Variants in ARHGEF38 observed in about 807,000 individuals in gnomAD.
ARHGEF38 encodes Rho guanine nucleotide exchange factor 38, also known as Rho guanine nucleotide exchange factor (GEF) 38.
ARHGEF38 carries 79 observed loss-of-function variants against 79.9 expected under a neutral mutation model. That is an observed-to-expected ratio of 0.99 (90% CI 0.82 to 1.19). The LOEUF (loss-of-function observed/expected upper bound fraction) is 1.19, where lower values mean the gene tolerates loss of function less well. ARHGEF38 is among the 50% of genes most tolerant of loss of function. ARHGEF38 has a pLI of 0.00. For missense variants in ARHGEF38, 962 were observed against 907.2 expected (o/e 1.06, Z -0.78); for synonymous variants, 366 against 328.3 (o/e 1.11, Z -1.24).
intron 2 of ARHGEF38, among the ~76,000 whole-genome samples, chr4:105,610,035 G>T (rs1728222209): frequency 6.6e-6 from 1 of 152,094 alleles, no homozygotes; most frequent in Non-Finnish European, 1.5e-5. Context: ...CCATAAAAAG[G>T]AATTGGATCA....
intron 1 of ARHGEF38, among the ~76,000 whole-genome samples, chr4:105,571,404 G>T (rs1401105522): frequency 7.0e-6 from 1 of 143,774 alleles, no homozygotes; most frequent in Non-Finnish European, 1.5e-5. Flanking sequence ...CTCACTGCAA[G>T]CTCCACCTCC....
chr4:105,569,713 C>T lies in ARHGEF38; in HGVS notation c.196+16752C>T, dbSNP rs546065453. ...TGGCCCTCCACTTTCAGTGGTGTGA[C>T]CTTGGGCAAACTGCTTAACCTCTGT... On this transcript the variant is annotated intron_variant, in intron 1 of 13. Coordinates refer to ENST00000420470, the MANE Select transcript of ARHGEF38 (RefSeq NM_001242729.2). Among the ~76,000 whole-genome samples, 18 of 152,226 alleles carry T rather than the reference C, an allele frequency of 1.2e-4. No individual in the cohort carries two copies. In the South Asian group the frequency reaches 3.3e-3, roughly 28 times the overall value.
chr4:105,660,131 A>G (rs1337551461), intron 10 of ARHGEF38, among the ~76,000 whole-genome samples: 1 of 152,140 alleles, frequency 6.6e-6, no homozygotes, highest in Non-Finnish European at 1.5e-5. Context: ...ACTTTGAATT[A>G]AATTAAATTG....
Position 105,552,890 on chromosome 4 carries a change from T to C in ARHGEF38, c.125T>C (p.Val42Ala). Residue 42 changes from valine (V) to alanine (A), a missense_variant, in exon 1 of 14, where the codon GTT becomes GCT. Physicochemically the swap from Val to Ala is moderately conservative, Grantham distance 64. Transcript: ENST00000420470. ...RKTDTVVESS[V>A]SGDHSGTLRR... Reference sequence around the variant, plus strand: ...ACTGACACTGTGGTTGAGAGCAGTGTTTCTGGGGACCACTCTGGCACCTTG... The same window carrying C: ...ACTGACACTGTGGTTGAGAGCAGTGCTTCTGGGGACCACTCTGGCACCTTG... The C allele has an allele frequency of 1.2e-6, 2 of 1,613,918 alleles. No individual in the cohort carries two copies. Among genetic ancestry groups the C allele is most frequent in the South Asian group, 2.2e-5 (2 of 91,050 alleles).
chr4:105,673,565 T>C (rs1057345261), intron 13 of ARHGEF38, among the ~76,000 whole-genome samples: 2 of 152,110 alleles, frequency 1.3e-5, no homozygotes, highest in African/African-American at 4.8e-5. Flanking sequence ...CTTAAAAAAG[T>C]CAGCTTATTA....
At chr4:105,677,129 A>G (rs1187473793) in intron 13 of ARHGEF38, among the ~76,000 whole-genome samples, 1 of 151,874 alleles carries the variant, frequency 6.6e-6, no homozygotes, top group South Asian at 2.1e-4. Flanking sequence ...ACGCCCAGCT[A>G]ATTTTTGTAT....
chr4:105,596,372 C>A (rs975967619), intron 2 of ARHGEF38, among the ~76,000 whole-genome samples: 3 of 152,116 alleles, frequency 2.0e-5, no homozygotes, highest in African/African-American at 7.2e-5. Flanking sequence ...TGCCCCCCAC[C>A]CCAAACCAAG....
intron 4 of ARHGEF38, chr4:105,631,298 C>T (rs886511531): frequency 9.0e-7 from 1 of 1,115,562 alleles, no homozygotes; most frequent in Non-Finnish European, 1.1e-6. Context: ...AATGCAATAT[C>T]AAAATATAAA....
At chr4:105,595,695 C>A (rs1727549142) in intron 2 of ARHGEF38, among the ~76,000 whole-genome samples, 1 of 152,054 alleles carries the variant, frequency 6.6e-6, no homozygotes. Context: ...GCAATGGTTA[C>A]ATTTACACAT....
chr4:105,568,937 T>A (rs1726077816), intron 1 of ARHGEF38, among the ~76,000 whole-genome samples: 1 of 152,222 alleles, frequency 6.6e-6, no homozygotes, highest in South Asian at 2.1e-4. Flanking sequence ...AACCTTAAGC[T>A]TGGTATATGA....
At chr4:105,593,685 G>A (rs946519596) in intron 2 of ARHGEF38, among the ~76,000 whole-genome samples, 3 of 152,186 alleles carry the variant, frequency 2.0e-5, no homozygotes, top group Non-Finnish European at 2.9e-5. Flanking sequence ...ACATTGGTGA[G>A]TCAAACTAGC....
intron 2 of ARHGEF38, among the ~76,000 whole-genome samples, chr4:105,598,198 GC>G (rs1205753292): frequency 1.3e-5 from 2 of 152,110 alleles, no homozygotes; most frequent in Non-Finnish European, 2.9e-5. Context: ...TGATGAAAAA[GC>G]CAAGTCCCTT....
intron 9 of ARHGEF38, among the ~76,000 whole-genome samples, 158 bp from the exon 10 acceptor site, chr4:105,658,895 CA>C (rs1182110026): frequency 6.6e-6 from 1 of 152,118 alleles, no homozygotes; most frequent in Non-Finnish European, 1.5e-5. Flanking sequence ...TAGGTTTAGC[CA>C]GACACAAAAT....
chr4:105,638,346 A>G (rs1465016121), intron 5 of ARHGEF38, among the ~76,000 whole-genome samples: 1 of 152,034 alleles, frequency 6.6e-6, no homozygotes, highest in Non-Finnish European at 1.5e-5. Context: ...CAATCATAGA[A>G]CTTCCCACTA....
chr4:105,651,385 A>G (rs1305598898), intron 7 of ARHGEF38, among the ~76,000 whole-genome samples: 7 of 152,212 alleles, frequency 4.6e-5, no homozygotes, highest in African/African-American at 1.7e-4. Context: ...GTATAAAGCT[A>G]TTACCGAAGA....
rs145743856 is a variant in ARHGEF38 at position 105,648,745 on chromosome 4, A to G, written c.1008+63A>G. 3.5e-5 allele frequency: 50 copies of G among 1,438,456 alleles called. No homozygotes were observed. The East Asian group carries it at 1.3e-3, about 36-fold the overall frequency. 89.1% of individuals were successfully genotyped at this position (1,438,456 alleles called of 1,614,324 possible). On this transcript the variant is annotated intron_variant, in intron 7 of 13. Coordinates refer to ENST00000420470, the MANE Select transcript of ARHGEF38 (RefSeq NM_001242729.2). ...GAACATGAATGCAGATATTTTTGTG[A>G]GGTTTTGTTTTGTGAGGACTATTTC...
intron 13 of ARHGEF38, among the ~76,000 whole-genome samples, chr4:105,669,611 A>G (rs1730891864): frequency 6.6e-6 from 1 of 151,530 alleles, no homozygotes; most frequent in Admixed American, 6.6e-5. Flanking sequence ...AAAGCAGCTT[A>G]TCAATATCTT....
At chr4:105,614,703 A>G (rs1167788120) in intron 3 of ARHGEF38, among the ~76,000 whole-genome samples, 2 of 152,092 alleles carry the variant, frequency 1.3e-5, no homozygotes, top group East Asian at 3.9e-4. Flanking sequence ...TAAAAGAAGA[A>G]CTCTACTCAT....
intron 1 of ARHGEF38, among the ~76,000 whole-genome samples, chr4:105,583,184 T>G (rs1726878351): frequency 6.6e-6 from 1 of 152,244 alleles, no homozygotes; most frequent in Non-Finnish European, 1.5e-5. Flanking sequence ...TCTACTGGTT[T>G]TGAAATTTTA....
Sources: allele counts gnomAD v4.1 joint callset (sites outside exome capture counted in the v4.1 genomes callset), GRCh38; gene constraint gnomAD v4.1.1; transcripts MANE v1.5; gene names NCBI Gene and HGNC (gene_info 2026-07-23, HGNC 2026-07-21).